The following CAPZB variants were observed in gnomAD, a reference collection of about 807,000 sequenced individuals.
The protein encoded by CAPZB is capping actin protein of muscle Z-line subunit beta.
In CAPZB, 2 loss-of-function variants were observed where a neutral mutation model predicts 38.1. The ratio of observed to expected loss-of-function variants is 0.05; its 90% CI spans 0.02 to 0.17. The LOEUF (loss-of-function observed/expected upper bound fraction) is 0.17, where lower values mean the gene tolerates loss of function less well. CAPZB is among the 10% of genes least tolerant of loss of function. CAPZB has a pLI of 1.00. For synonymous variants in CAPZB, 107 were observed against 127.4 expected (o/e 0.84, Z 1.08); for missense variants, 161 against 334.2 (o/e 0.48, Z 4.04).
chr1:19,444,917 A>AT (rs1239641375), intron 1 of CAPZB, among the ~76,000 whole-genome samples: 1 of 151,886 alleles, frequency 6.6e-6, no homozygotes, highest in Non-Finnish European at 1.5e-5. Flanking sequence ...TAATTTTTGT[A>AT]TTTTTAGTAG....
At chr1:19,484,354 T>C in intron 1 of CAPZB, 1 of 1,556,638 alleles carries the variant, frequency 6.4e-7, no homozygotes, top group Non-Finnish European at 8.7e-7. Context: ...CGATTGTGCG[T>C]TCATCCTTGT....
At chr1:19,468,079 G>A (rs1359886470) in intron 1 of CAPZB, among the ~76,000 whole-genome samples, 1 of 152,130 alleles carries the variant, frequency 6.6e-6, no homozygotes, top group Non-Finnish European at 1.5e-5. Flanking sequence ...CTCCAGCCTG[G>A]GTGACAGAGT....
rs139972923 is a variant in CAPZB, at chr1:19,378,852, G to C, written c.216-199C>G. Reference sequence around the variant, plus strand: ...AGGGCTCTGATGCGGGCAGACTGGGGCACACGCCCGTGCTCCACCTCTCAC... The same window carrying C: ...AGGGCTCTGATGCGGGCAGACTGGGCCACACGCCCGTGCTCCACCTCTCAC... On this transcript the variant is annotated intron_variant, in intron 3 of 8. Coordinates refer to ENST00000264202, the MANE Select transcript of CAPZB (RefSeq NM_004930.5). 1.3e-3 allele frequency among the ~76,000 whole-genome samples: 197 copies of C among 152,278 alleles called. 1 individual carries two copies. The highest frequency in any genetic ancestry group is 2.5e-3 in the Non-Finnish European group (170 of 68,022).
chr1:19,390,657 G>A (rs935726025), intron 2 of CAPZB, among the ~76,000 whole-genome samples: 12 of 152,156 alleles, frequency 7.9e-5, no homozygotes, highest in African/African-American at 2.2e-4. Flanking sequence ...TGCCGGGCTC[G>A]GTGGTACCCA....
chr1:19,377,429 A>G (rs941831534), intron 4 of CAPZB, among the ~76,000 whole-genome samples: 2 of 152,262 alleles, frequency 1.3e-5, no homozygotes, highest in African/African-American at 4.8e-5. Flanking sequence ...AAGGAGGAAC[A>G]AAACCATCTT....
chr1:19,357,663 C>T lies in CAPZB; in HGVS notation c.330-100G>A, dbSNP rs2094029041. 2.6e-6 allele frequency: 3 copies of T among 1,167,528 alleles called. No individual in the cohort carries two copies. The highest frequency in any genetic ancestry group is 2.5e-6 in the Non-Finnish European group (2 of 805,094). The allele number at this position is 1,167,528 out of a possible 1,614,324, so 72.3% of individuals were successfully genotyped here. ...AGCAAAGATTCTGGGATTCAGGGCCCTCCCTGCGACAGTTATGGGAGCCGA... is the reference window on the plus strand; with the variant it reads ...AGCAAAGATTCTGGGATTCAGGGCCTTCCCTGCGACAGTTATGGGAGCCGA... On this transcript the variant is annotated intron_variant, in intron 4 of 8. Transcript: ENST00000264202. This position sits in a 1 kb window ranked among gnomAD's most constrained non-coding sequence, Gnocchi z 4.3.
In CAPZB at chr1:19,399,587, C is replaced by T. The variant is rs143890972; in HGVS notation, c.94-13961G>A. ...ACGGTGCTACATGGGGCATGGGCCA[C>T]AGCTCCCTGGTCTCTGCAATGGATG... On this transcript the variant is annotated intron_variant, in intron 2 of 8. Coordinates refer to ENST00000264202, the MANE Select transcript of CAPZB (RefSeq NM_004930.5). Among the ~76,000 whole-genome samples the T allele has an allele frequency of 2.9e-3, 440 of 152,270 alleles. 4 individuals are homozygous for T. Among genetic ancestry groups the T allele is most frequent in the African/African-American group, 0.01 (419 of 41,546 alleles).
chr1:19,400,523 C>T (rs1029672825), intron 2 of CAPZB, among the ~76,000 whole-genome samples: 2 of 152,234 alleles, frequency 1.3e-5, no homozygotes, highest in East Asian at 3.8e-4. Flanking sequence ...GAGATGTTGG[C>T]TTTCTAACAG....
At chr1:19,416,606 A>G (rs182893211) in intron 2 of CAPZB, among the ~76,000 whole-genome samples, 20 of 152,138 alleles carry the variant, frequency 1.3e-4, no homozygotes, top group African/African-American at 4.8e-4. Flanking sequence ...ACAGAAGACA[A>G]AGTTAAAAAC....
intron 2 of CAPZB, among the ~76,000 whole-genome samples, chr1:19,398,740 T>G (rs922155135): frequency 1.9e-4 from 29 of 151,978 alleles, no homozygotes; most frequent in African/African-American, 7.0e-4. Context: ...ACATCTGAGC[T>G]GAGTTACAGA....
chr1:19,387,646 A>C (rs142617331), intron 2 of CAPZB, among the ~76,000 whole-genome samples: 149 of 152,360 alleles, frequency 9.8e-4, no homozygotes, highest in Non-Finnish European at 1.5e-3. Flanking sequence ...CAATTACAGT[A>C]GAGACTGAGC....
chr1:19,454,083 G>C (rs1302717205), intron 1 of CAPZB, among the ~76,000 whole-genome samples: 1 of 152,194 alleles, frequency 6.6e-6, no homozygotes, highest in African/African-American at 2.4e-5. Flanking sequence ...CTGGAGGGCA[G>C]GCATCACATC....
chr1:19,466,304 C>G (rs141015951), intron 1 of CAPZB, among the ~76,000 whole-genome samples: 1 of 152,352 alleles, frequency 6.6e-6, no homozygotes, highest in African/African-American at 2.4e-5. Context: ...AAAGCCCTTA[C>G]TCTTTGCACT....
chr1:19,387,710 G>A (rs1460926803), intron 2 of CAPZB, among the ~76,000 whole-genome samples: 1 of 152,158 alleles, frequency 6.6e-6, no homozygotes, highest in African/African-American at 2.4e-5. Context: ...GTAGCCTTAT[G>A]GCCTGGGTAA....
chr1:19,367,998 T>G (rs1318632115), intron 4 of CAPZB, among the ~76,000 whole-genome samples: 4 of 152,124 alleles, frequency 2.6e-5, no homozygotes, highest in African/African-American at 9.7e-5. Context: ...TCATGAGCCG[T>G]CAACAGTCAG....
At chr1:19,433,386 G>A (rs1379341814) in intron 1 of CAPZB, among the ~76,000 whole-genome samples, 3 of 152,180 alleles carry the variant, frequency 2.0e-5, no homozygotes, top group Non-Finnish European at 4.4e-5. Flanking sequence ...TCGACCACGT[G>A]TTCACTGACG....
chr1:19,430,207 T>C (rs2094437571), intron 1 of CAPZB, among the ~76,000 whole-genome samples: 2 of 152,128 alleles, frequency 1.3e-5, no homozygotes, highest in African/African-American at 4.8e-5. Flanking sequence ...AAGGAAAATT[T>C]CCACGCGCCT....
At chr1:19,388,621 C>G (rs913801664) in intron 2 of CAPZB, among the ~76,000 whole-genome samples, 21 of 152,312 alleles carry the variant, frequency 1.4e-4, no homozygotes, top group Non-Finnish European at 3.1e-4. Context: ...ACAAAGAGAA[C>G]CGGAGCTGTC....
intron 1 of CAPZB, among the ~76,000 whole-genome samples, chr1:19,480,684 A>G (rs2094625049): frequency 6.6e-6 from 1 of 152,184 alleles, no homozygotes; most frequent in Non-Finnish European, 1.5e-5. Context: ...TGGCACAAAC[A>G]AGGAATTCGG....
Sources: allele counts gnomAD v4.1 joint callset (sites outside exome capture counted in the v4.1 genomes callset), GRCh38; gene constraint gnomAD v4.1.1; non-coding constraint Gnocchi (gnomAD v3.1); transcripts MANE v1.5; gene names NCBI Gene and HGNC (gene_info 2026-07-23, HGNC 2026-07-21).